PHACTR3: variants seen among roughly 807,000 people sequenced by gnomAD.
PHACTR3 encodes the protein protein phosphatase 1, regulatory subunit 123.
In PHACTR3, 16 loss-of-function variants were observed where a neutral mutation model predicts 66.8. The ratio of observed to expected loss-of-function variants is 0.24; its 90% CI spans 0.16 to 0.36. The LOEUF is 0.36. PHACTR3 is among the 10% of genes least tolerant of loss of function. The pLI is 1.00. For synonymous variants in PHACTR3, 323 were observed against 292.1 expected (o/e 1.11, Z -1.08); for missense variants, 647 against 719.9 (o/e 0.90, Z 1.16).
intron 1 of PHACTR3, among the ~76,000 whole-genome samples, chr20:59,613,680 T>TC (rs1346093475): frequency 6.6e-6 from 1 of 152,194 alleles, no homozygotes; most frequent in Non-Finnish European, 1.5e-5. Flanking sequence ...CACAATGTGA[T>TC]CAAAACAAAA....
chr20:59,595,562 G>C (rs149577213), intron 1 of PHACTR3, among the ~76,000 whole-genome samples: 47 of 152,360 alleles, frequency 3.1e-4, no homozygotes, highest in Admixed American at 5.2e-4. Context: ...TTCTACTGTT[G>C]TTGGAGGAAG....
chr20:59,583,687 C>T (rs907472365), intron 1 of PHACTR3, among the ~76,000 whole-genome samples: 28 of 152,206 alleles, frequency 1.8e-4, no homozygotes, highest in African/African-American at 2.7e-4. Flanking sequence ...AAAACAACAA[C>T]GGTACACTTC....
In PHACTR3 at chr20:59,604,663, C is replaced by T; in HGVS notation, c.-352C>T. On this transcript the variant is annotated 5_prime_UTR_variant, in exon 1 of 13. In the 5' UTR this introduces an upstream ATG that the reference lacks. Coordinates refer to ENST00000371015, the MANE Select transcript of PHACTR3 (RefSeq NM_080672.5). ...AGGACATCACCCCCTGCCCCAAGCACGCAATAAACACTGACAAGAAAAAGT... is the reference window on the plus strand; with the variant it reads ...AGGACATCACCCCCTGCCCCAAGCATGCAATAAACACTGACAAGAAAAAGT... The T allele has an allele frequency of 2.0e-6, 2 of 994,416 alleles. No homozygotes were observed. Among genetic ancestry groups the T allele is most frequent in the Non-Finnish European group, 2.4e-6 (2 of 836,182 alleles). 61.6% of individuals were successfully genotyped at this position (994,416 alleles called of 1,614,324 possible). A position where few individuals can be genotyped will look rare whatever the true frequency, so the allele number is the denominator to read the frequency against.
chr20:59,802,846 T>C (rs1051475986), intron 7 of PHACTR3, among the ~76,000 whole-genome samples: 1 of 152,230 alleles, frequency 6.6e-6, no homozygotes, highest in Non-Finnish European at 1.5e-5. Context: ...TCTTGCACAA[T>C]GCATGGATGT....
chr20:59,740,386 G>T (rs1158003245), intron 1 of PHACTR3, among the ~76,000 whole-genome samples: 1 of 151,992 alleles, frequency 6.6e-6, no homozygotes, highest in African/African-American at 2.4e-5. Flanking sequence ...ATAGCTCACT[G>T]CAGTCTTGAC....
intron 1 of PHACTR3, among the ~76,000 whole-genome samples, chr20:59,627,877 A>G: frequency 6.6e-6 from 1 of 152,242 alleles, no homozygotes; most frequent in Middle Eastern, 3.4e-3. Context: ...CAATATATCT[A>G]TAATCTATTT....
intron 1 of PHACTR3, among the ~76,000 whole-genome samples, chr20:59,593,023 AT>A (rs2033229501): frequency 6.6e-6 from 1 of 152,222 alleles, no homozygotes; most frequent in Non-Finnish European, 1.5e-5. Flanking sequence ...AAGGAAGGCA[AT>A]GTCTGGATCG....
At chr20:59,759,036 AT>A (rs2039905914) in intron 4 of PHACTR3, among the ~76,000 whole-genome samples, 1 of 152,190 alleles carries the variant, frequency 6.6e-6, no homozygotes, top group Non-Finnish European at 1.5e-5. Context: ...TGTTGTCTTC[AT>A]TGTCAAAAAC....
intron 1 of PHACTR3, among the ~76,000 whole-genome samples, chr20:59,640,170 G>A (rs1023451030): frequency 1.3e-5 from 2 of 152,242 alleles, no homozygotes; most frequent in Non-Finnish European, 2.9e-5. Context: ...TATTGGGAAA[G>A]ATTCTTAACC....
At chr20:59,771,245 G>A (rs1470190392) in intron 5 of PHACTR3, among the ~76,000 whole-genome samples, 1 of 152,174 alleles carries the variant, frequency 6.6e-6, no homozygotes, top group Non-Finnish European at 1.5e-5. Context: ...GGGGTGAGAA[G>A]TAGAGGCAAT....
intron 1 of PHACTR3, among the ~76,000 whole-genome samples, chr20:59,716,436 A>G (rs2038094640): frequency 1.3e-5 from 2 of 151,890 alleles, no homozygotes; most frequent in Non-Finnish European, 2.9e-5. Flanking sequence ...TATTTTTACT[A>G]GAGACGGGGT....
intron 2 of PHACTR3, among the ~76,000 whole-genome samples, chr20:59,743,935 C>A (rs929591459): frequency 2.0e-5 from 3 of 152,376 alleles, no homozygotes; most frequent in African/African-American, 7.2e-5. Context: ...CCCCCTCACA[C>A]CCTGCCAGCC....
intron 1 of PHACTR3, among the ~76,000 whole-genome samples, chr20:59,685,462 G>T (rs115997836): frequency 1.5e-3 from 223 of 152,332 alleles, no homozygotes; most frequent in African/African-American, 5.1e-3. Context: ...AGATGGTGGT[G>T]TTGAAAGGAC....
chr20:59,760,838 A>G (rs931864962), intron 4 of PHACTR3, among the ~76,000 whole-genome samples: 1 of 151,956 alleles, frequency 6.6e-6, no homozygotes, highest in Non-Finnish European at 1.5e-5. Flanking sequence ...GCCTTCCCAC[A>G]AGTGCACTAA....
At chr20:59,629,689 G>A (rs564707050) in intron 1 of PHACTR3, among the ~76,000 whole-genome samples, 6 of 152,320 alleles carry the variant, frequency 3.9e-5, no homozygotes, top group East Asian at 1.9e-4. Context: ...ACAATGGAGC[G>A]GAATAAACAC....
chr20:59,635,153 CTTT>C (rs2034827918), intron 1 of PHACTR3, among the ~76,000 whole-genome samples: 3 of 36,750 alleles, frequency 8.2e-5, no homozygotes, highest in East Asian at 1.8e-3. Context: ...CTTTCTTTTT[CTTT>C]CTTTCTTTCT....
At chr20:59,625,744 C>A (rs1032097022) in intron 1 of PHACTR3, among the ~76,000 whole-genome samples, 1 of 152,132 alleles carries the variant, frequency 6.6e-6, no homozygotes, top group Non-Finnish European at 1.5e-5. Context: ...TCTGCATGCA[C>A]CGTCTCTGTC....
chr20:59,606,307 C>A (rs1395873033), intron 1 of PHACTR3, among the ~76,000 whole-genome samples: 2 of 151,978 alleles, frequency 1.3e-5, no homozygotes. Flanking sequence ...GATCCCTCCC[C>A]CCCCCATTTG....
At chr20:59,649,493 G>A (rs150286796) in intron 1 of PHACTR3, among the ~76,000 whole-genome samples, 197 of 152,174 alleles carry the variant, frequency 1.3e-3, no homozygotes, top group African/African-American at 4.5e-3. Context: ...ATTATACTAG[G>A]TGGATTTTGT....
Sources: allele counts gnomAD v4.1 joint callset (sites outside exome capture counted in the v4.1 genomes callset), GRCh38; gene constraint gnomAD v4.1.1; transcripts MANE v1.5; gene names NCBI Gene and HGNC (gene_info 2026-07-23, HGNC 2026-07-21).